Variants in CADPS2 observed in about 807,000 individuals in gnomAD.
CADPS2 encodes calcium-dependent secretion activator 2.
In CADPS2, 93 loss-of-function variants were observed where a neutral mutation model predicts 172.5. The observed-to-expected ratio is 0.54, with a 90% CI of 0.46 to 0.64. The LOEUF (loss-of-function observed/expected upper bound fraction) is 0.64, where lower values mean the gene tolerates loss of function less well. CADPS2 is among the 30% of genes least tolerant of loss of function. The pLI, the probability that CADPS2 is intolerant of heterozygous loss-of-function variation, is 0.00. For missense variants in CADPS2, 1,420 were observed against 1,565.9 expected (o/e 0.91, Z 1.57); for synonymous variants, 546 against 555.2 (o/e 0.98, Z 0.23).
chr7:122,429,621 T>C (rs1354003508), intron 17 of CADPS2, among the ~76,000 whole-genome samples: 2 of 152,084 alleles, frequency 1.3e-5, no homozygotes, highest in Non-Finnish European at 2.9e-5. Context: ...TAATTACCTG[T>C]TCAATTCTTT....
intron 9 of CADPS2, among the ~76,000 whole-genome samples, chr7:122,503,215 T>C (rs1173540108): frequency 6.6e-6 from 1 of 151,974 alleles, no homozygotes; most frequent in Non-Finnish European, 1.5e-5. Context: ...TTTGTATTTT[T>C]AGTAGAGATG....
intron 1 of CADPS2, among the ~76,000 whole-genome samples, chr7:122,813,306 CAA>C (rs1182888597): frequency 6.6e-6 from 1 of 152,012 alleles, no homozygotes; most frequent in Non-Finnish European, 1.5e-5. Context: ...TGAAAAGGAA[CAA>C]ACACTTTAAT....
intron 6 of CADPS2, among the ~76,000 whole-genome samples, chr7:122,603,842 T>G (rs886567244): frequency 6.6e-6 from 1 of 152,074 alleles, no homozygotes; most frequent in African/African-American, 2.4e-5. Flanking sequence ...TCTAAAAAAG[T>G]TAAACTCATA....
At chr7:122,855,321 T>C (rs3919490) in intron 1 of CADPS2, among the ~76,000 whole-genome samples, 36,583 of 152,150 alleles carry the variant, frequency 0.24, 5,662 homozygotes, top group East Asian at 0.56. Flanking sequence ...TTAATTTATT[T>C]ATCCTAATAG....
chr7:122,480,049 A>C, intron 12 of CADPS2: 1 of 468,450 alleles, frequency 2.1e-6, no homozygotes, highest in Non-Finnish European at 4.4e-6. Context: ...GGAGAGAACA[A>C]AGTACAGTTT....
chr7:122,445,453 T>A (rs1368770861), intron 15 of CADPS2, among the ~76,000 whole-genome samples: 1 of 152,146 alleles, frequency 6.6e-6, no homozygotes, highest in Non-Finnish European at 1.5e-5. Flanking sequence ...ATATTTTTTA[T>A]TGTTATTGTA....
rs749299775 is a variant in CADPS2 at position 122,730,991 on chromosome 7, A to AT, written c.453+5963dup. ...AATTTCATAATAAACATATTGAAAAATTTTTTTTTAATTCATTGAAGGAAT... is the reference window on the plus strand; with the variant it reads ...AATTTCATAATAAACATATTGAAAAATTTTTTTTTTAATTCATTGAAGGAAT... On this transcript the variant is annotated intron_variant, in intron 2 of 29. Coordinates refer to ENST00000449022, the MANE Select transcript of CADPS2 (RefSeq NM_017954.11). Among the ~76,000 whole-genome samples the AT allele has an allele frequency of 6.2e-5, 8 of 128,342 alleles. No individual in the cohort carries two copies. The South Asian group carries it at 1.3e-3, about 21-fold the overall frequency. The allele number at this position is 128,342 out of a possible 152,430, so 84.2% of individuals were successfully genotyped here.
At chr7:122,604,641 T>C (rs2073255915) in intron 6 of CADPS2, among the ~76,000 whole-genome samples, 1 of 152,164 alleles carries the variant, frequency 6.6e-6, no homozygotes, top group Admixed American at 6.6e-5. Flanking sequence ...AAAGCAACCC[T>C]TCAAACCTTT....
chr7:122,352,443 G>A (rs1384127469), intron 27 of CADPS2, among the ~76,000 whole-genome samples: 1 of 152,208 alleles, frequency 6.6e-6, no homozygotes, highest in African/African-American at 2.4e-5. Context: ...ACGACTCAGG[G>A]TGCTAGAATT....
intron 2 of CADPS2, among the ~76,000 whole-genome samples, chr7:122,723,383 T>G (rs1488557993): frequency 6.6e-6 from 1 of 152,122 alleles, no homozygotes; most frequent in Non-Finnish European, 1.5e-5. Context: ...GAACAGACAC[T>G]TCTCAAAAGA....
intron 1 of CADPS2, among the ~76,000 whole-genome samples, chr7:122,784,841 G>A (rs17144864): frequency 2.0e-3 from 307 of 151,912 alleles, no homozygotes; most frequent in African/African-American, 7.1e-3. Context: ...TTTACTTTGC[G>A]GGCCAAAATC....
At chr7:122,582,717 C>A (rs1447552040) in intron 6 of CADPS2, among the ~76,000 whole-genome samples, 1 of 152,002 alleles carries the variant, frequency 6.6e-6, no homozygotes, top group African/African-American at 2.4e-5. Context: ...ATTCTCATGA[C>A]ATACCCTTTT....
intron 8 of CADPS2, among the ~76,000 whole-genome samples, chr7:122,536,669 C>G (rs1389060047): frequency 6.6e-6 from 1 of 151,982 alleles, no homozygotes; most frequent in African/African-American, 2.4e-5. Flanking sequence ...GGAAAACAAT[C>G]TTTTTATATG....
intron 8 of CADPS2, among the ~76,000 whole-genome samples, chr7:122,550,599 T>G (rs2131883544): frequency 6.6e-6 from 1 of 152,044 alleles, no homozygotes; most frequent in African/African-American, 2.4e-5. Context: ...CCATTTTATT[T>G]TACTTTTTTT....
chr7:122,755,211 T>C (rs1562942003), intron 1 of CADPS2, among the ~76,000 whole-genome samples: 1 of 152,210 alleles, frequency 6.6e-6, no homozygotes, highest in Admixed American at 6.5e-5. Context: ...GTTTTGCATG[T>C]TGCATGTAAA....
intron 1 of CADPS2, among the ~76,000 whole-genome samples, chr7:122,786,169 G>C (rs765347606): frequency 6.6e-6 from 1 of 151,944 alleles, no homozygotes; most frequent in Non-Finnish European, 1.5e-5. Flanking sequence ...TCTTATTTCT[G>C]GTCTTTATAA....
chr7:122,356,254 TGAG>T (rs768138934), intron 27 of CADPS2, among the ~76,000 whole-genome samples: 30 of 152,330 alleles, frequency 2.0e-4, no homozygotes, highest in Admixed American at 3.9e-4. Context: ...TTGAAAATTC[TGAG>T]GAGTATTCTC....
intron 1 of CADPS2, among the ~76,000 whole-genome samples, chr7:122,749,777 T>G (rs1438266669): frequency 6.6e-6 from 1 of 151,966 alleles, no homozygotes; most frequent in Non-Finnish European, 1.5e-5. Context: ...AATTCAAGGA[T>G]TTGTGAGGAT....
At chr7:122,467,697 G>A (rs1255628543) in intron 14 of CADPS2, among the ~76,000 whole-genome samples, 1 of 152,102 alleles carries the variant, frequency 6.6e-6, no homozygotes, top group Non-Finnish European at 1.5e-5. Context: ...ACATTAAATT[G>A]GGACATAAAA....
Sources: gnomAD v4.1 joint callset for allele counts (sites outside exome capture counted in the v4.1 genomes callset) on GRCh38, gnomAD v4.1.1 for gene constraint, MANE v1.5 for transcripts, NCBI Gene and HGNC (gene_info 2026-07-23, HGNC 2026-07-21) for gene names.